Variants in ATXN7 observed in about 807,000 individuals in gnomAD.
The protein encoded by ATXN7 is ataxin 7.
Under a neutral mutation model 70.5 loss-of-function variants are expected in ATXN7, and 12 were observed. That is an observed-to-expected ratio of 0.17 (90% CI 0.11 to 0.28). The LOEUF (loss-of-function observed/expected upper bound fraction) is 0.28, where lower values mean the gene tolerates loss of function less well. Among genes scored for constraint, ATXN7 ranks in the 10% least tolerant of loss-of-function variants. The pLI is 1.00. For synonymous variants in ATXN7, 498 were observed against 448.7 expected (o/e 1.11, Z -1.39); for missense variants, 1,256 against 1,131.7 (o/e 1.11, Z -1.58).
At chr3:63,998,496 G>T in intron 12 of ATXN7, 1 of 985,152 alleles carries the variant, frequency 1.0e-6, no homozygotes, top group Non-Finnish European at 1.2e-6. Flanking sequence ...CCATGTAGTG[G>T]CACTATGTCT....
chr3:63,928,963 C>G (rs763132108), intron 4 of ATXN7, among the ~76,000 whole-genome samples: 1 of 152,114 alleles, frequency 6.6e-6, no homozygotes, highest in Non-Finnish European at 1.5e-5. Flanking sequence ...GGGCCTAAAA[C>G]CTTTGCGAGG....
intron 10 of ATXN7, 113 bp from the exon 11 acceptor site, chr3:63,990,625 C>G (rs543009736): frequency 6.7e-7 from 1 of 1,497,250 alleles, no homozygotes; most frequent in African/African-American, 1.4e-5. Context: ...GCCTCCGGTA[C>G]TCAGAGGCAG....
At chr3:63,903,917 A>G (rs1185631334) in intron 2 of ATXN7, 1 of 152,240 alleles carries the variant, frequency 6.6e-6, no homozygotes, top group Non-Finnish European at 1.5e-5. Flanking sequence ...GTTGGCTTAA[A>G]AAATAGCTTT....
chr3:63,892,161 C>T (rs547440076), intron 1 of ATXN7, among the ~76,000 whole-genome samples: 4 of 152,234 alleles, frequency 2.6e-5, no homozygotes, highest in South Asian at 4.1e-4. Context: ...GAGTAAAACG[C>T]GTGCTAGCTG....
chr3:63,991,572 C>T (rs145738135), intron 11 of ATXN7, among the ~76,000 whole-genome samples: 2 of 152,032 alleles, frequency 1.3e-5, no homozygotes, highest in African/African-American at 4.8e-5. Context: ...GGTCTTGAGT[C>T]AGAAAAGACA....
chr3:63,886,328 C>G (rs574562966), intron 1 of ATXN7, among the ~76,000 whole-genome samples: 14 of 152,116 alleles, frequency 9.2e-5, no homozygotes, highest in Non-Finnish European at 1.8e-4. Flanking sequence ...TTCTAGGAAT[C>G]TGTTACACAG....
At chr3:63,961,778 C>T (rs1402469420) in intron 5 of ATXN7, among the ~76,000 whole-genome samples, 6 of 151,964 alleles carry the variant, frequency 3.9e-5, no homozygotes, top group African/African-American at 1.5e-4. Context: ...TTGATATTCA[C>T]CAGTGTCACT....
Position 63,995,943 on chromosome 3 carries a change from C to T in ATXN7, c.2121C>T (p.Arg707=). 6.2e-7 allele frequency: 1 copy of T among 1,614,188 alleles called. No individual in the cohort carries two copies. Among genetic ancestry groups the T allele is most frequent in the Non-Finnish European group, 8.5e-7 (1 of 1,180,030 alleles). The change falls in exon 12 of 13, where the codon CGC becomes CGT. Residue 707 remains arginine (R), a synonymous_variant. Transcript: ENST00000674280. ...SSTSGGSGKK[R]KNSSPLLVHS... ...CCAGTGGCGGCTCAGGAAAGAAACG[C>T]AAAAACAGTTCCCCACTGTTGGTTC... is the stretch of plus-strand genomic sequence containing the variant.
chr3:63,943,648 G>T (rs566348062), intron 4 of ATXN7, among the ~76,000 whole-genome samples: 42 of 152,294 alleles, frequency 2.8e-4, no homozygotes, highest in African/African-American at 1.0e-3. Flanking sequence ...GCTAGTAAGT[G>T]GCAGGGCTGG....
intron 4 of ATXN7, among the ~76,000 whole-genome samples, chr3:63,924,676 A>G (rs1704645429): frequency 6.6e-6 from 1 of 152,166 alleles, no homozygotes; most frequent in African/African-American, 2.4e-5. Context: ...TCTGGCTTTG[A>G]CAGTATGAAG....
intron 4 of ATXN7, among the ~76,000 whole-genome samples, chr3:63,942,080 C>T (rs748652521): frequency 2.6e-5 from 4 of 152,136 alleles, no homozygotes; most frequent in Admixed American, 2.6e-4. Context: ...GCGGTGAGAG[C>T]AGACAGTACA....
chr3:63,952,834 C>CTT (rs2074976646), intron 5 of ATXN7, among the ~76,000 whole-genome samples: 1 of 57,100 alleles, frequency 1.8e-5, no homozygotes, highest in African/African-American at 1.1e-4. Context: ...GATGCATGGG[C>CTT]CTTTTTTTTT....
chr3:63,871,664 AT>A (rs1702593829), intron 1 of ATXN7, among the ~76,000 whole-genome samples: 1 of 152,200 alleles, frequency 6.6e-6, no homozygotes, highest in South Asian at 2.1e-4. Flanking sequence ...ATATTTATTC[AT>A]AGAAAAAAAG....
At chr3:63,899,309 G>A (rs1036627927) in intron 2 of ATXN7, among the ~76,000 whole-genome samples, 2 of 150,814 alleles carry the variant, frequency 1.3e-5, no homozygotes, top group Non-Finnish European at 2.9e-5. Flanking sequence ...TGATCCACCC[G>A]CCTTGACCTC....
At chr3:63,927,051 A>T (rs1575906688) in intron 4 of ATXN7, among the ~76,000 whole-genome samples, 3 of 152,104 alleles carry the variant, frequency 2.0e-5, no homozygotes, top group Non-Finnish European at 4.4e-5. Context: ...CATTTTCTTT[A>T]TGCAGTCTAT....
At chr3:63,961,644 A>T (rs1308086330) in intron 5 of ATXN7, among the ~76,000 whole-genome samples, 2 of 152,120 alleles carry the variant, frequency 1.3e-5, no homozygotes, top group Non-Finnish European at 2.9e-5. Context: ...TACTGTAAAT[A>T]TATAGAACTT....
intron 1 of ATXN7, among the ~76,000 whole-genome samples, chr3:63,895,712 CCTTCCTTT>C (rs1366758705): frequency 6.6e-6 from 1 of 151,770 alleles, no homozygotes; most frequent in Admixed American, 6.6e-5. Context: ...TTTCTTTCTT[CCTTCCTTT>C]CTTCCTTTCT....
At position 63,885,420 on chromosome 3, in the gene ATXN7, A is replaced by G. The variant is rs114582681; in HGVS notation, c.-110-12979A>G. Among the ~76,000 whole-genome samples, 1,105 of 152,338 alleles carry G rather than the reference A, an allele frequency of 7.3e-3. 9 individuals carry two copies. The highest frequency in any genetic ancestry group is 0.02 in the Middle Eastern group (6 of 294). ...TCACCTCACTCCTGTTAGAATGGCT[A>G]TTCAAAAAGACAGAAGATAACAAGT... On this transcript the variant is annotated intron_variant, in intron 1 of 12. Transcript: ENST00000674280.
In ATXN7 at chr3:63,956,812, A is replaced by T. The variant is rs533707378; in HGVS notation, c.499+4329A>T. Among the ~76,000 whole-genome samples the T allele has an allele frequency of 7.9e-5, 12 of 152,344 alleles. No homozygotes were observed. The East Asian group carries it at 2.3e-3, about 29-fold the overall frequency. On this transcript the variant is annotated intron_variant, in intron 5 of 12. Transcript: ENST00000674280. Reference sequence around the variant, plus strand: ...CAGAATGGCAGGAAGGGAGGCCCCTACTTTTTAAAGTATGTGTATTATGTG... The same window carrying T: ...CAGAATGGCAGGAAGGGAGGCCCCTTCTTTTTAAAGTATGTGTATTATGTG...
Sources: allele counts gnomAD v4.1 joint callset (sites outside exome capture counted in the v4.1 genomes callset), GRCh38; gene constraint gnomAD v4.1.1; transcripts MANE v1.5; gene names NCBI Gene and HGNC (gene_info 2026-07-23, HGNC 2026-07-21).